Variants in STRN3 observed in about 807,000 individuals in gnomAD.
STRN3 encodes the protein striatin-3.
Under a neutral mutation model 95.6 loss-of-function variants are expected in STRN3, and 29 were observed. The observed-to-expected ratio is 0.30, with a 90% CI of 0.23 to 0.41. The LOEUF is 0.41. Among genes scored for constraint, STRN3 ranks in the 10% least tolerant of loss-of-function variants. STRN3 has a pLI of 1.00. For synonymous variants in STRN3, 331 were observed against 357.6 expected (o/e 0.93, Z 0.84); for missense variants, 890 against 972.1 (o/e 0.92, Z 1.12).
At chr14:30,905,329 T>G in intron 15 of STRN3, 89 bp downstream of exon 15, 1 of 1,267,468 alleles carries the variant, frequency 7.9e-7, no homozygotes. Context: ...TAAATTCAAA[T>G]AGTGAAAATA....
At chr14:31,016,737 G>A (rs1437991156) in intron 1 of STRN3, among the ~76,000 whole-genome samples, 4 of 151,996 alleles carry the variant, frequency 2.6e-5, no homozygotes, top group South Asian at 2.1e-4. Flanking sequence ...TAGAAACGGC[G>A]TTTCACCATA....
intron 1 of STRN3, among the ~76,000 whole-genome samples, chr14:30,998,637 A>G (rs750710127): frequency 6.6e-6 from 1 of 152,254 alleles, no homozygotes; most frequent in Non-Finnish European, 1.5e-5. Flanking sequence ...TAGGCATCCA[A>G]GGAAATCTCT....
intron 5 of STRN3, among the ~76,000 whole-genome samples, chr14:30,944,093 A>G (rs748920388): frequency 2.6e-5 from 4 of 152,088 alleles, no homozygotes; most frequent in Admixed American, 6.5e-5. Context: ...AAGAAGCTTT[A>G]CAAGGAGAAG....
intron 1 of STRN3, among the ~76,000 whole-genome samples, chr14:30,959,902 G>C (rs1331498594): frequency 5.3e-5 from 8 of 152,068 alleles, no homozygotes; most frequent in Non-Finnish European, 1.2e-4. Flanking sequence ...AACCTAAACG[G>C]ACTAGCTGAC....
chr14:30,956,898 C>G (rs769882606), intron 1 of STRN3, among the ~76,000 whole-genome samples: 11 of 152,252 alleles, frequency 7.2e-5, no homozygotes, highest in Admixed American at 2.6e-4. Context: ...GTGGCTCATG[C>G]CAGTAATCCC....
At chr14:31,002,422 G>C (rs945442360) in intron 1 of STRN3, among the ~76,000 whole-genome samples, 3 of 139,750 alleles carry the variant, frequency 2.1e-5, no homozygotes, top group Admixed American at 1.6e-4. Flanking sequence ...AGTGAGTCAA[G>C]ATCGCGCCAC....
chr14:30,970,400 A>T (rs1228822587), intron 1 of STRN3, among the ~76,000 whole-genome samples: 2 of 152,306 alleles, frequency 1.3e-5, no homozygotes, highest in East Asian at 3.9e-4. Flanking sequence ...AGACTGCCCC[A>T]AACAGTTTTT....
intron 8 of STRN3, among the ~76,000 whole-genome samples, chr14:30,926,691 A>G (rs965308749): frequency 1.3e-5 from 2 of 152,046 alleles, no homozygotes; most frequent in Admixed American, 6.6e-5. Context: ...TTATGATTAT[A>G]TAAGCAAAAT....
At chr14:31,020,823 T>C (rs911609682) in intron 1 of STRN3, among the ~76,000 whole-genome samples, 1 of 152,064 alleles carries the variant, frequency 6.6e-6, no homozygotes, top group Non-Finnish European at 1.5e-5. Flanking sequence ...GGAGGATCAG[T>C]TGAGCTCGGG....
chr14:30,930,980 C>G (rs1165320862), intron 7 of STRN3, among the ~76,000 whole-genome samples: 1 of 151,724 alleles, frequency 6.6e-6, no homozygotes, highest in Non-Finnish European at 1.5e-5. Context: ...TTAGATAGAA[C>G]AGAAAAATTT....
intron 1 of STRN3, among the ~76,000 whole-genome samples, chr14:30,957,345 C>T (rs990481655): frequency 2.7e-5 from 4 of 149,918 alleles, no homozygotes; most frequent in Admixed American, 6.7e-5. Flanking sequence ...CCCAGCTGCT[C>T]GGGAGGGTGA....
rs575820561 is a variant in STRN3 at position 30,953,281 on chromosome 14, G to T, written c.461-2337C>A. On this transcript the variant is annotated intron_variant, in intron 3 of 17. Transcript: ENST00000357479. ...CAAAACATTATCAGCATCCCCAAAA[G>T]CCTTTCTTGTGCCCTCCAGTCACTA... Among the ~76,000 whole-genome samples, 142 of 152,168 alleles carry T rather than the reference G, an allele frequency of 9.3e-4. 2 individuals carry two copies. In the Middle Eastern group the frequency reaches 0.01, roughly 11 times the overall value.
In STRN3 at chr14:30,929,206, A is replaced by T; in HGVS notation, c.1094T>A (p.Val365Glu). Residue 365 changes from valine (V) to glutamate (E), a missense_variant, in exon 8 of 18, where the codon GTG becomes GAG. Coordinates refer to ENST00000357479, the MANE Select transcript of STRN3 (RefSeq NM_001083893.2). ...YKKERKGKKG[V>E]KRANRTKLYD... ...TAGTCAGAATCTGCACTTACTCTTC[A>T]CCCCTTTCTTCCCCTTTCGTTCCTT... is the stretch of plus-strand genomic sequence containing the variant. 6.2e-7 allele frequency: 1 copy of T among 1,606,904 alleles called. No homozygotes were observed. Among genetic ancestry groups the T allele is most frequent in the Non-Finnish European group, 8.5e-7 (1 of 1,177,072 alleles).
intron 1 of STRN3, among the ~76,000 whole-genome samples, chr14:30,984,138 C>T (rs1250169953): frequency 1.2e-5 from 1 of 81,516 alleles, no homozygotes; most frequent in Non-Finnish European, 2.5e-5. Flanking sequence ...CCCCCCCCAA[C>T]CCCCCCCCAC....
At chr14:30,940,973 G>A (rs910294818) in intron 5 of STRN3, among the ~76,000 whole-genome samples, 1 of 152,084 alleles carries the variant, frequency 6.6e-6, no homozygotes, top group Non-Finnish European at 1.5e-5. Flanking sequence ...TAAGTGGCTA[G>A]GTCATGGGGA....
chr14:31,011,642 C>CA (rs1456467459), intron 1 of STRN3, among the ~76,000 whole-genome samples: 21 of 151,512 alleles, frequency 1.4e-4, no homozygotes, highest in Non-Finnish European at 2.8e-4. Context: ...GACTGTGTCT[C>CA]AAAAAAATAA....
At chr14:30,948,508 A>G (rs1879477431) in intron 4 of STRN3, among the ~76,000 whole-genome samples, 1 of 152,194 alleles carries the variant, frequency 6.6e-6, no homozygotes, top group South Asian at 2.1e-4. Context: ...AAATTAGAGG[A>G]AAAAAATGAT....
chr14:30,963,599 A>C (rs1266674409), intron 1 of STRN3, among the ~76,000 whole-genome samples: 1 of 152,088 alleles, frequency 6.6e-6, no homozygotes, highest in East Asian at 1.9e-4. Flanking sequence ...TGGTAGAGAC[A>C]GGGTTTCACC....
chr14:31,020,599 T>C (rs1883459293), intron 1 of STRN3, among the ~76,000 whole-genome samples: 1 of 152,162 alleles, frequency 6.6e-6, no homozygotes, highest in Non-Finnish European at 1.5e-5. Context: ...AGCATTCTGC[T>C]AATTTGTTGT....
Sources: allele counts gnomAD v4.1 joint callset (sites outside exome capture counted in the v4.1 genomes callset), GRCh38; gene constraint gnomAD v4.1.1; transcripts MANE v1.5; gene names NCBI Gene and HGNC (gene_info 2026-07-23, HGNC 2026-07-21).